Variants in CAB39 observed in about 807,000 individuals in gnomAD.
CAB39 encodes calcium binding protein 39, also known as calcium-binding protein 39.
In CAB39, 8 loss-of-function variants were observed where a neutral mutation model predicts 40.0. The observed-to-expected ratio is 0.20, with a 90% CI of 0.12 to 0.36. CAB39 has a LOEUF of 0.36. Among genes scored for constraint, CAB39 ranks in the 10% least tolerant of loss-of-function variants. CAB39 has a pLI of 1.00. For synonymous variants in CAB39, 156 were observed against 141.6 expected (o/e 1.10, Z -0.72); for missense variants, 270 against 401.1 (o/e 0.67, Z 2.79).
chr2:230,803,547 C>T (rs1696131238), intron 5 of CAB39, among the ~76,000 whole-genome samples: 1 of 152,206 alleles, frequency 6.6e-6, no homozygotes. Context: ...TGATAAGCAA[C>T]TTCAGCAAAG....
chr2:230,817,857 A>G lies in CAB39; in HGVS notation c.797A>G (p.Lys266Arg), dbSNP rs752831882. The G allele has an allele frequency of 1.9e-6, 3 of 1,613,426 alleles. No homozygotes were observed. Among genetic ancestry groups the G allele is most frequent in the South Asian group, 1.1e-5 (1 of 90,962 alleles). ...TTAATGATGAACCTGCTGCGAGACA[A>G]AAGTCGCAACATCCAGTTTGAGGCC... is the stretch of plus-strand genomic sequence containing the variant. The part of the protein sequence containing the change: ...LKLMMNLLRD[K>R]SRNIQFEAFH... The change falls in exon 8 of 9, where the codon AAA becomes AGA. Residue 266 changes from lysine (K) to arginine (R), a missense_variant. Coordinates refer to ENST00000258418, the MANE Select transcript of CAB39 (RefSeq NM_016289.4).
intron 1 of CAB39, among the ~76,000 whole-genome samples, chr2:230,740,891 C>G (rs980611387): frequency 6.6e-6 from 1 of 152,188 alleles, no homozygotes; most frequent in African/African-American, 2.4e-5. Flanking sequence ...AGACTTGGGT[C>G]AATTAAATTG....
At position 230,817,864 on chromosome 2, in the gene CAB39, C is replaced by T. The variant is rs1054280621; in HGVS notation, c.804C>T (p.Arg268=). 1 of 1,613,170 alleles carries T rather than the reference C, an allele frequency of 6.2e-7. No individual in the cohort carries two copies. Among genetic ancestry groups the T allele is most frequent in the Non-Finnish European group, 8.5e-7 (1 of 1,179,744 alleles). Residue 268 remains arginine (R), a synonymous_variant, in exon 8 of 9, where the codon CGC becomes CGT. Transcript: ENST00000258418. ...TGAACCTGCTGCGAGACAAAAGTCG[C>T]AACATCCAGTTTGAGGCCTTTCACG... ...LMMNLLRDKS[R]NIQFEAFHVF...
chr2:230,748,686 G>C (rs1440950155), intron 1 of CAB39, among the ~76,000 whole-genome samples: 5 of 151,006 alleles, frequency 3.3e-5, no homozygotes, highest in Admixed American at 1.3e-4. Context: ...CCCACCTGTA[G>C]TCCCAGCTAC....
At chr2:230,733,391 A>C (rs1694730117) in intron 1 of CAB39, among the ~76,000 whole-genome samples, 1 of 152,076 alleles carries the variant, frequency 6.6e-6, no homozygotes, top group Non-Finnish European at 1.5e-5. Flanking sequence ...AGGTAGTTTG[A>C]TTCTCAGGTG....
chr2:230,787,108 C>CA (rs1695807140), intron 2 of CAB39, among the ~76,000 whole-genome samples: 1 of 152,078 alleles, frequency 6.6e-6, no homozygotes, highest in Non-Finnish European at 1.5e-5. Context: ...AAGGTCAGAC[C>CA]AAATAACTGC....
intron 2 of CAB39, among the ~76,000 whole-genome samples, chr2:230,770,981 G>A (rs1056901509): frequency 6.6e-6 from 1 of 152,174 alleles, no homozygotes; most frequent in Non-Finnish European, 1.5e-5. Context: ...AGATCAAGAA[G>A]ACGACAGGGA....
intron 5 of CAB39, among the ~76,000 whole-genome samples, chr2:230,804,436 A>C (rs1575958750): frequency 1.3e-5 from 2 of 152,228 alleles, no homozygotes; most frequent in East Asian, 3.8e-4. Flanking sequence ...AGCAAAAGAA[A>C]CTACCATCAG....
chr2:230,721,972 T>C (rs546398626), intron 1 of CAB39, among the ~76,000 whole-genome samples: 2 of 152,256 alleles, frequency 1.3e-5, no homozygotes, highest in East Asian at 3.9e-4. Flanking sequence ...ATTCAAAGCA[T>C]TTACTTACTA....
At chr2:230,760,644 A>ACCCCT (rs1695273374) in intron 2 of CAB39, among the ~76,000 whole-genome samples, 2 of 152,192 alleles carry the variant, frequency 1.3e-5, no homozygotes, top group Admixed American at 1.3e-4. Context: ...TTCTTCCCCC[A>ACCCCT]CAATCTTCCT....
intron 1 of CAB39, among the ~76,000 whole-genome samples, chr2:230,737,719 A>G (rs1694810616): frequency 6.6e-6 from 1 of 152,190 alleles, no homozygotes; most frequent in Non-Finnish European, 1.5e-5. Context: ...TATCCATTGT[A>G]CCTCTTCCTG....
rs1293465845 is a variant in CAB39 at position 230,748,830 on chromosome 2, AAATATATATATAT to A, written c.-43-11127_-43-11115del. ...TCCAAAAAGAAAAAAAAAAAAAAAAAAATATATATATATATATATATATATATATATATATATA... is the reference window on the plus strand; with the variant it reads ...TCCAAAAAGAAAAAAAAAAAAAAAAAATATATATATATATATATATATATA... On this transcript the variant is annotated intron_variant, in intron 1 of 8. Transcript: ENST00000258418. Among the ~76,000 whole-genome samples the A allele has an allele frequency of 1.0e-3, 52 of 50,660 alleles. 3 individuals carry two copies. Among genetic ancestry groups the A allele is most frequent in the African/African-American group, 3.8e-3 (31 of 8,190 alleles). The allele number at this position is 50,660 out of a possible 152,430, so 33.2% of individuals were successfully genotyped here. A position where few individuals can be genotyped will look rare whatever the true frequency, so the allele number is the denominator to read the frequency against.
At chr2:230,802,918 A>G (rs1696118052) in intron 5 of CAB39, among the ~76,000 whole-genome samples, 1 of 152,240 alleles carries the variant, frequency 6.6e-6, no homozygotes, top group South Asian at 2.1e-4. Context: ...TGAGGCCAGC[A>G]TCATCCTGAT....
At chr2:230,799,780 C>T (rs1225694033) in intron 5 of CAB39, among the ~76,000 whole-genome samples, 5 of 152,118 alleles carry the variant, frequency 3.3e-5, no homozygotes, top group African/African-American at 9.7e-5. Context: ...GACCTGAGGT[C>T]GGGAGTTCGA....
chr2:230,817,850 C>T lies in CAB39; in HGVS notation c.790C>T (p.Arg264Ter), dbSNP rs1190883247. The change falls in exon 8 of 9, where the codon CGA (arginine) becomes TGA (stop). Residue 264 changes from arginine (R) to a stop codon, truncating the protein, a stop_gained. Coordinates refer to ENST00000258418, the MANE Select transcript of CAB39 (RefSeq NM_016289.4). LOFTEE classifies it high-confidence loss of function. ...ENLKLMMNLL[R>*]DKSRNIQFEA... ...CCTCAAATTAATGATGAACCTGCTG[C>T]GAGACAAAAGTCGCAACATCCAGTT... 1.9e-6 allele frequency: 3 copies of T among 1,612,294 alleles called. No individual in the cohort carries two copies. The highest frequency in any genetic ancestry group is 2.5e-6 in the Non-Finnish European group (3 of 1,179,448).
intron 5 of CAB39, among the ~76,000 whole-genome samples, chr2:230,805,079 G>A (rs1351182562): frequency 6.6e-6 from 1 of 152,100 alleles, no homozygotes; most frequent in African/African-American, 2.4e-5. Flanking sequence ...AAAAAAGGAT[G>A]CATTCGTGTC....
In CAB39 at chr2:230,753,221, G is replaced by A. The variant is rs78957108; in HGVS notation, c.-43-6738G>A. ...AAAGGGGGAAGCTAAATGTCCATGCGGATTCAGCTTGCAGTGTTGTAACTG... is the reference window on the plus strand; with the variant it reads ...AAAGGGGGAAGCTAAATGTCCATGCAGATTCAGCTTGCAGTGTTGTAACTG... On this transcript the variant is annotated intron_variant, in intron 1 of 8. Coordinates refer to ENST00000258418, the MANE Select transcript of CAB39 (RefSeq NM_016289.4). 8.2e-3 allele frequency among the ~76,000 whole-genome samples: 1,251 copies of A among 152,284 alleles called. 9 individuals are homozygous for A. Among genetic ancestry groups the A allele is most frequent in the African/African-American group, 0.024 (993 of 41,558 alleles).
chr2:230,811,353 TAACAC>T, intron 6 of CAB39, among the ~76,000 whole-genome samples: 1 of 152,316 alleles, frequency 6.6e-6, no homozygotes, highest in South Asian at 2.1e-4. Flanking sequence ...AGTAAGAACA[TAACAC>T]AACACTGAGC....
chr2:230,731,463 T>C (rs141313569), intron 1 of CAB39, among the ~76,000 whole-genome samples: 256 of 152,320 alleles, frequency 1.7e-3, no homozygotes, highest in African/African-American at 5.7e-3. Context: ...GTGGTGGTGA[T>C]TGCTTAACTC....
Sources: allele counts gnomAD v4.1 joint callset (sites outside exome capture counted in the v4.1 genomes callset), GRCh38; gene constraint gnomAD v4.1.1; transcripts MANE v1.5; gene names NCBI Gene and HGNC (gene_info 2026-07-23, HGNC 2026-07-21).